SCEL: variants seen among roughly 807,000 people sequenced by gnomAD.
SCEL encodes the protein sciellin.
Under a neutral mutation model 117.6 loss-of-function variants are expected in SCEL, and 113 were observed. That is an observed-to-expected ratio of 0.96 (90% CI 0.83 to 1.12). SCEL has a LOEUF of 1.12. Among genes scored for constraint, SCEL ranks in the 50% most tolerant of loss-of-function variants. The pLI is 0.00. For missense variants in SCEL, 785 were observed against 810.8 expected (o/e 0.97, Z 0.39); for synonymous variants, 270 against 256.2 (o/e 1.05, Z -0.51).
intron 3 of SCEL, among the ~76,000 whole-genome samples, chr13:77,558,677 G>C (rs1021187416): frequency 2.6e-5 from 4 of 151,856 alleles, no homozygotes; most frequent in African/African-American, 7.3e-5. Context: ...TTAGCCGGGC[G>C]TGTTGGCGGG....
chr13:77,626,016 G>A (rs1594163384), intron 27 of SCEL, among the ~76,000 whole-genome samples: 1 of 152,176 alleles, frequency 6.6e-6, no homozygotes, highest in Non-Finnish European at 1.5e-5. Context: ...TAGTCATTGT[G>A]TGTATTAGTC....
At chr13:77,606,013 G>A (rs113028966) in intron 19 of SCEL, among the ~76,000 whole-genome samples, 5 of 152,156 alleles carry the variant, frequency 3.3e-5, no homozygotes, top group African/African-American at 9.6e-5. Context: ...TTCCAATCAG[G>A]ACTTATTTTT....
At chr13:77,612,456 CTTTTTTTTTTTTT>C (rs71102764) in intron 22 of SCEL, among the ~76,000 whole-genome samples, 6 of 93,544 alleles carry the variant, frequency 6.4e-5, no homozygotes, top group Admixed American at 1.3e-4. Context: ...TTTTTCTTTT[CTTTTTTTTTTTTT>C]TTTTTTTTTT....
chr13:77,603,201 G>A, intron 18 of SCEL, 66 bp downstream of exon 18: 1 of 1,049,300 alleles, frequency 9.5e-7, no homozygotes, highest in Non-Finnish European at 1.4e-6. Flanking sequence ...AAAATAATTT[G>A]GCTTTTTAGC....
intron 1 of SCEL, among the ~76,000 whole-genome samples, chr13:77,547,258 G>A (rs557250501): frequency 1.2e-3 from 182 of 152,316 alleles, no homozygotes; most frequent in Non-Finnish European, 2.1e-3. Context: ...ATTTAAAAGA[G>A]AGAGGCGTGG....
intron 24 of SCEL, among the ~76,000 whole-genome samples, chr13:77,616,912 T>C (rs1329765716): frequency 6.6e-6 from 1 of 152,082 alleles, no homozygotes; most frequent in Non-Finnish European, 1.5e-5. Context: ...TCTGAATAAG[T>C]ATGAAAATCA....
intron 1 of SCEL, among the ~76,000 whole-genome samples, chr13:77,542,748 T>G (rs1022243894): frequency 1.3e-5 from 2 of 152,202 alleles, no homozygotes; most frequent in Non-Finnish European, 2.9e-5. Flanking sequence ...TTACATATAT[T>G]TCTTGTACTT....
intron 16 of SCEL, 83 bp downstream of exon 16, chr13:77,602,207 T>G: frequency 8.6e-7 from 1 of 1,166,418 alleles, no homozygotes. Flanking sequence ...TGTTATGCTT[T>G]CCTTTGTGGC....
At chr13:77,637,250 AC>A in intron 30 of SCEL, 56 bp downstream of exon 30, 1 of 479,972 alleles carries the variant, frequency 2.1e-6, no homozygotes, top group Non-Finnish European at 3.5e-6. Context: ...ACACACACAC[AC>A]ATATATATAT....
At chr13:77,542,326 G>A (rs1481179480) in intron 1 of SCEL, among the ~76,000 whole-genome samples, 2 of 152,144 alleles carry the variant, frequency 1.3e-5, no homozygotes, top group South Asian at 2.1e-4. Context: ...GCTTGAACCC[G>A]GGAGGTGGAG....
Position 77,599,726 on chromosome 13 carries a change from C to G in SCEL, c.895C>G (p.Arg299Gly), listed in dbSNP as rs764041976. 6.2e-7 allele frequency: 1 copy of G among 1,611,442 alleles called. No individual in the cohort carries two copies. Among genetic ancestry groups the G allele is most frequent in the East Asian group, 2.2e-5 (1 of 44,866 alleles). Reference protein sequence around the residue: ...SLESLIYMSTRTDKDGKGIQS... With the variant: ...SLESLIYMSTGTDKDGKGIQS... ...TGAAAGTCTCATCTATATGAGTACC[C>G]GGACAGATAAAGATGGCAAAGGGTA... Residue 299 changes from arginine to glycine, a missense_variant, in exon 15 of 33, where the codon CGG becomes GGG. By Grantham distance (125) the Arg-to-Gly change is moderately radical (BLOSUM62 -2). Coordinates refer to ENST00000349847, the MANE Select transcript of SCEL (RefSeq NM_144777.3).
chr13:77,608,020 G>A, intron 19 of SCEL, 36 bp from the exon 20 acceptor site: 10 of 1,515,616 alleles, frequency 6.6e-6, no homozygotes, highest in Non-Finnish European at 9.1e-6. Context: ...ATTGTTACGT[G>A]TTGTCAATCT....
At chr13:77,642,677 A>G (rs1014667620) in intron 31 of SCEL, 29 bp from the exon 32 acceptor site, 2 of 1,311,832 alleles carry the variant, frequency 1.5e-6, no homozygotes, top group African/African-American at 2.9e-5. Flanking sequence ...TTTACAATGG[A>G]AACTTTATAT....
chr13:77,552,284 T>G lies in SCEL; in HGVS notation c.-19-3573T>G, dbSNP rs769608621. 2.8e-3 allele frequency among the ~76,000 whole-genome samples: 418 copies of G among 150,012 alleles called. 1 individual carries two copies. Among genetic ancestry groups the G allele is most frequent in the Non-Finnish European group, 4.8e-3 (323 of 66,934 alleles). On this transcript the variant is annotated intron_variant, in intron 1 of 32. Coordinates refer to ENST00000349847, the MANE Select transcript of SCEL (RefSeq NM_144777.3). ...GGAATCGCCACACTGACTTCCACAA[T>G]GGTTGAACTAGTTTACAGTCCCACC...
chr13:77,550,483 C>T (rs1318223831), intron 1 of SCEL, among the ~76,000 whole-genome samples: 1 of 151,080 alleles, frequency 6.6e-6, no homozygotes, highest in Non-Finnish European at 1.5e-5. Context: ...TAATTTTACC[C>T]CAAAAAGAAA....
At chr13:77,643,586 G>A (rs1030869084) in intron 32 of SCEL, among the ~76,000 whole-genome samples, 7 of 152,076 alleles carry the variant, frequency 4.6e-5, no homozygotes, top group African/African-American at 1.7e-4. Flanking sequence ...TTTTCCTGCT[G>A]TCTTGTTGGT....
At chr13:77,624,391 A>G (rs1411739987) in intron 27 of SCEL, among the ~76,000 whole-genome samples, 1 of 151,972 alleles carries the variant, frequency 6.6e-6, no homozygotes, top group African/African-American at 2.4e-5. Flanking sequence ...GACGTGAACC[A>G]CCGCGCCCAG....
At chr13:77,545,367 T>G (rs1218286681) in intron 1 of SCEL, among the ~76,000 whole-genome samples, 1 of 152,160 alleles carries the variant, frequency 6.6e-6, no homozygotes, top group Non-Finnish European at 1.5e-5. Flanking sequence ...AATAAGTAAT[T>G]CCTTTAAAGA....
At chr13:77,642,449 G>T (rs1394759533) in intron 31 of SCEL, among the ~76,000 whole-genome samples, 1 of 152,116 alleles carries the variant, frequency 6.6e-6, no homozygotes, top group South Asian at 2.1e-4. Flanking sequence ...AGCATAACTA[G>T]CTCTCCCTTA....
Sources: gnomAD v4.1 joint callset for allele counts (sites outside exome capture counted in the v4.1 genomes callset) on GRCh38, gnomAD v4.1.1 for gene constraint, MANE v1.5 for transcripts, NCBI Gene and HGNC (gene_info 2026-07-23, HGNC 2026-07-21) for gene names.